KIAA0319: variants seen among roughly 807,000 people sequenced by gnomAD.
The protein encoded by KIAA0319 is dyslexia-associated protein KIAA0319.
Under a neutral mutation model 108.4 loss-of-function variants are expected in KIAA0319, and 83 were observed. That is an observed-to-expected ratio of 0.77 (90% CI 0.64 to 0.92). The LOEUF (loss-of-function observed/expected upper bound fraction) is 0.92, where lower values mean the gene tolerates loss of function less well. KIAA0319 is among the 40% of genes least tolerant of loss of function. The probability of loss-of-function intolerance (pLI) is 0.00; values close to 1 mark genes in which losing one functional copy is unlikely to be tolerated. For missense variants in KIAA0319, 1,195 were observed against 1,322.4 expected (o/e 0.90, Z 1.49); for synonymous variants, 484 against 510.4 (o/e 0.95, Z 0.70).
intron 1 of KIAA0319, among the ~76,000 whole-genome samples, chr6:24,624,017 C>CTTTTCTT (rs1774342718): frequency 4.0e-5 from 2 of 50,540 alleles, no homozygotes; most frequent in Admixed American, 2.3e-4. Context: ...TCTTTGTTTT[C>CTTTTCTT]TTTTTTTTTT....
At chr6:24,560,437 A>G (rs2127436878) in intron 16 of KIAA0319, among the ~76,000 whole-genome samples, 1 of 152,206 alleles carries the variant, frequency 6.6e-6, no homozygotes, top group South Asian at 2.1e-4. Context: ...TTTGGTTGGC[A>G]TTTTCCTGGT....
rs375574158 is a variant in KIAA0319, at chr6:24,566,754, T to G, written c.2141-6A>C. The G allele has an allele frequency of 1.9e-5, 30 of 1,599,664 alleles. No homozygotes were observed. The highest frequency in any genetic ancestry group is 2.5e-5 in the Non-Finnish European group (29 of 1,174,700). Reference sequence around the variant, plus strand: ...TCTGGGAGGACTATTATTTTCTAAGTCAAATATAGCAAAATGAAAGCAAAG... The same window carrying G: ...TCTGGGAGGACTATTATTTTCTAAGGCAAATATAGCAAAATGAAAGCAAAG... On this transcript the variant is annotated splice_region_variant and splice_polypyrimidine_tract_variant and intron_variant, in intron 13 of 20. Coordinates refer to ENST00000378214, the MANE Select transcript of KIAA0319 (RefSeq NM_014809.4).
chr6:24,584,381 T>C (rs1767110281), intron 4 of KIAA0319, among the ~76,000 whole-genome samples: 1 of 144,498 alleles, frequency 6.9e-6, no homozygotes, highest in Non-Finnish European at 1.5e-5. Context: ...GTTTCACTTG[T>C]AAAATATATT....
chr6:24,602,705 G>A (rs544635007), intron 1 of KIAA0319, among the ~76,000 whole-genome samples: 9 of 152,288 alleles, frequency 5.9e-5, no homozygotes, highest in African/African-American at 1.9e-4. Flanking sequence ...GGAGGCTGAG[G>A]CAGGAGAATG....
chr6:24,624,382 C>T lies in KIAA0319; in HGVS notation c.-106+21354G>A, dbSNP rs556724746. On this transcript the variant is annotated intron_variant, in intron 1 of 20. Transcript: ENST00000378214. ...ACAAACTATCTATCAAACATGTAAA[C>T]AAAATCAACATATTTTTGAACATTT... Among the ~76,000 whole-genome samples, 4 of 151,868 alleles carry T rather than the reference C, an allele frequency of 2.6e-5. No homozygotes were observed. The South Asian group carries it at 8.3e-4, about 32-fold the overall frequency.
intron 20 of KIAA0319, among the ~76,000 whole-genome samples, chr6:24,550,402 A>T (rs1207930902): frequency 6.6e-6 from 1 of 152,244 alleles, no homozygotes; most frequent in African/African-American, 2.4e-5. Context: ...CATAAAAATT[A>T]TCTTAGTCAT....
chr6:24,586,543 G>A (rs1767522634), intron 4 of KIAA0319, among the ~76,000 whole-genome samples: 1 of 152,096 alleles, frequency 6.6e-6, no homozygotes, highest in Non-Finnish European at 1.5e-5. Context: ...TGCTTACTTC[G>A]TTTATTCTGG....
chr6:24,562,034 C>T (rs183990258), intron 16 of KIAA0319, among the ~76,000 whole-genome samples: 12 of 152,276 alleles, frequency 7.9e-5, no homozygotes, highest in South Asian at 2.1e-4. Flanking sequence ...GATAGCATTT[C>T]GCCATTGCCC....
intron 10 of KIAA0319, among the ~76,000 whole-genome samples, chr6:24,574,539 A>G (rs1368820670): frequency 6.6e-6 from 1 of 152,228 alleles, no homozygotes; most frequent in Non-Finnish European, 1.5e-5. Context: ...TGGTGACCTC[A>G]GGTTAATACC....
intron 10 of KIAA0319, among the ~76,000 whole-genome samples, chr6:24,573,400 C>T (rs1199006855): frequency 6.6e-6 from 1 of 152,140 alleles, no homozygotes. Context: ...GTCAAACACA[C>T]TATGATACAC....
chr6:24,594,376 A>AAC (rs1769085191), intron 3 of KIAA0319, among the ~76,000 whole-genome samples: 1 of 151,960 alleles, frequency 6.6e-6, no homozygotes, highest in Admixed American at 6.6e-5. Flanking sequence ...CTGTAATCCC[A>AAC]ACACTTTGGG....
chr6:24,554,635 A>C lies in KIAA0319; in HGVS notation c.2858-4T>G, dbSNP rs768232936. The C allele has an allele frequency of 1.3e-6, 2 of 1,588,322 alleles. No homozygotes were observed. Among genetic ancestry groups the C allele is most frequent in the Non-Finnish European group, 1.7e-6 (2 of 1,158,026 alleles). On this transcript the variant is annotated splice_polypyrimidine_tract_variant and splice_region_variant and intron_variant, in intron 18 of 20. Coordinates refer to ENST00000378214, the MANE Select transcript of KIAA0319 (RefSeq NM_014809.4). ...GTCACATAGAATATACTCCACTCTG[A>C]AACACAAGAAAACCAAAGTGGACAT...
intron 1 of KIAA0319, among the ~76,000 whole-genome samples, chr6:24,605,398 A>C (rs934529422): frequency 6.6e-6 from 1 of 152,104 alleles, no homozygotes; most frequent in African/African-American, 2.4e-5. Flanking sequence ...GACTTTCCTT[A>C]CTTATTATTC....
At chr6:24,561,864 A>T (rs546604670) in intron 16 of KIAA0319, among the ~76,000 whole-genome samples, 1 of 152,212 alleles carries the variant, frequency 6.6e-6, no homozygotes, top group African/African-American at 2.4e-5. Flanking sequence ...CACCACACCC[A>T]GCTAATTTTT....
In KIAA0319 at chr6:24,596,554, C is replaced by G. The variant is rs1174587755; in HGVS notation, c.120G>C (p.Leu40Phe). ...TYSNAVISPN[L>F]ETTRIMRVSH... ...ACACCCGCATGATTCTGGTGGTTTC[C>G]AAGTTAGGTGAAATGACTGCATTGG... The change falls in exon 3 of 21, where the codon TTG (leucine) becomes TTC (phenylalanine). Residue 40 changes from leucine to phenylalanine, a missense_variant. Coordinates refer to ENST00000378214, the MANE Select transcript of KIAA0319 (RefSeq NM_014809.4). 1.9e-6 allele frequency: 3 copies of G among 1,613,874 alleles called. No homozygotes were observed. The Admixed American group carries it at 5.0e-5, about 27-fold the overall frequency.
intron 20 of KIAA0319, among the ~76,000 whole-genome samples, chr6:24,549,785 G>A (rs1010365188): frequency 2.0e-5 from 3 of 152,092 alleles, no homozygotes; most frequent in Non-Finnish European, 2.9e-5. Context: ...TTAGTTCACG[G>A]GTGAAACTGT....
At chr6:24,582,217 C>A in intron 6 of KIAA0319, 32 bp downstream of exon 6, 1 of 1,191,764 alleles carries the variant, frequency 8.4e-7, no homozygotes, top group Admixed American at 1.7e-5. Context: ...TTACGCTGTG[C>A]TGTTAGACAC....
intron 3 of KIAA0319, among the ~76,000 whole-genome samples, chr6:24,594,541 C>T (rs553186198): frequency 3.3e-5 from 5 of 151,292 alleles, no homozygotes; most frequent in Middle Eastern, 3.4e-3. Context: ...GCAGGAGAAT[C>T]GCTTGAACCC....
chr6:24,569,603 TG>T (rs1764383836), intron 12 of KIAA0319, among the ~76,000 whole-genome samples: 1 of 152,188 alleles, frequency 6.6e-6, no homozygotes, highest in African/African-American at 2.4e-5. Flanking sequence ...CACTGCAGGA[TG>T]GGTTGAGTGT....
Sources: allele counts gnomAD v4.1 joint callset (sites outside exome capture counted in the v4.1 genomes callset), GRCh38; gene constraint gnomAD v4.1.1; transcripts MANE v1.5; gene names NCBI Gene and HGNC (gene_info 2026-07-23, HGNC 2026-07-21).